The following LHX8 variants were observed in gnomAD, a reference collection of about 807,000 sequenced individuals.
LHX8 encodes the protein LIM homeobox 8.
LHX8 carries 12 observed loss-of-function variants against 40.3 expected under a neutral mutation model. The observed-to-expected ratio is 0.30, with a 90% CI of 0.19 to 0.48. LHX8 has a LOEUF of 0.48. Among genes scored for constraint, LHX8 ranks in the 20% least tolerant of loss-of-function variants. The probability of loss-of-function intolerance (pLI) is 0.99; values close to 1 mark genes in which losing one functional copy is unlikely to be tolerated. For synonymous variants in LHX8, 179 were observed against 162.0 expected (o/e 1.10, Z -0.80); for missense variants, 344 against 433.7 (o/e 0.79, Z 1.84).
intron 8 of LHX8, among the ~76,000 whole-genome samples, chr1:75,158,640 C>A (rs951059005): frequency 2.0e-5 from 3 of 152,124 alleles, no homozygotes; most frequent in Non-Finnish European, 4.4e-5. Flanking sequence ...TCTGTAGAGA[C>A]ATATTTGCCA....
At chr1:75,163,116 G>A (rs1648963638), downstream of LHX8, among the ~76,000 whole-genome samples, 3 of 151,618 alleles carry the variant, frequency 2.0e-5, no homozygotes. Flanking sequence ...TTTTTATTTG[G>A]ACAAGGTAGT....
At chr1:75,162,582 CA>C (rs10718039), downstream of LHX8, among the ~76,000 whole-genome samples, 142,996 of 152,132 alleles carry the variant, frequency 0.94, 67,216 homozygotes, top group East Asian at 0.98. Context: ...AGAGTTTTTA[CA>C]AAAATATATC....
At chr1:75,189,635 C>T in the LHX8 span, among the ~76,000 whole-genome samples, 1 of 152,080 alleles carries the variant, frequency 6.6e-6, no homozygotes, top group Non-Finnish European at 1.5e-5. Context: ...TCTAATAGCC[C>T]TTTGCTGAAA....
chr1:75,171,418 A>T, the LHX8 span, among the ~76,000 whole-genome samples: 816 of 109,306 alleles, frequency 7.5e-3, 9 homozygotes, highest in African/African-American at 0.02. Context: ...CCAAATTTTT[A>T]TTATTATTAT....
intron 8 of LHX8, 78 bp downstream of exon 8, chr1:75,157,154 A>G: frequency 6.7e-7 from 1 of 1,489,728 alleles, no homozygotes; most frequent in Non-Finnish European, 9.4e-7. Flanking sequence ...TATTGATACA[A>G]TTCACATTTT....
At chr1:75,165,327 G>A (rs1008471114), downstream of LHX8, among the ~76,000 whole-genome samples, 1 of 152,108 alleles carries the variant, frequency 6.6e-6, no homozygotes, top group East Asian at 1.9e-4. Context: ...GAATTCTCCA[G>A]GGCACCAGAT....
the LHX8 span, among the ~76,000 whole-genome samples, chr1:75,182,781 G>A: frequency 6.6e-6 from 1 of 152,314 alleles, no homozygotes; most frequent in Non-Finnish European, 1.5e-5. Flanking sequence ...TTTTTGCTTA[G>A]TCTTGCCTTG....
At chr1:75,151,658 A>G (rs955802088) in intron 7 of LHX8, among the ~76,000 whole-genome samples, 17 of 152,188 alleles carry the variant, frequency 1.1e-4, no homozygotes, top group Non-Finnish European at 1.9e-4. Context: ...TGCCTGGGAG[A>G]ACAGTTTTCT....
At chr1:75,186,464 G>A in the LHX8 span, among the ~76,000 whole-genome samples, 1 of 152,170 alleles carries the variant, frequency 6.6e-6, no homozygotes, top group Non-Finnish European at 1.5e-5. Flanking sequence ...TCAGTAAATG[G>A]TGCTTCTGAT....
At chr1:75,143,499 T>A (rs1277313220) in intron 5 of LHX8, among the ~76,000 whole-genome samples, 161 bp downstream of exon 5, 1 of 152,198 alleles carries the variant, frequency 6.6e-6, no homozygotes, top group Non-Finnish European at 1.5e-5. Context: ...TATTTGTTTA[T>A]TTACAAGGAA....
At chr1:75,192,048 G>C in the LHX8 span, among the ~76,000 whole-genome samples, 1 of 152,058 alleles carries the variant, frequency 6.6e-6, no homozygotes, top group Non-Finnish European at 1.5e-5. Context: ...TGTGACATTT[G>C]GTTATTTATT....
chr1:75,169,030 A>C, the LHX8 span, among the ~76,000 whole-genome samples: 229 of 150,368 alleles, frequency 1.5e-3, no homozygotes, highest in East Asian at 2.7e-3. Flanking sequence ...TTCTGTTGAA[A>C]CCCCCCCTGT....
chr1:75,142,683 G>A (rs1036447822), intron 4 of LHX8, among the ~76,000 whole-genome samples: 1 of 151,908 alleles, frequency 6.6e-6, no homozygotes, highest in African/African-American at 2.4e-5. Context: ...ATCTTAACTT[G>A]GTTTTAAGAA....
At chr1:75,165,895 A>G (rs1261728895), downstream of LHX8, among the ~76,000 whole-genome samples, 1 of 152,202 alleles carries the variant, frequency 6.6e-6, no homozygotes, top group Non-Finnish European at 1.5e-5. Flanking sequence ...AGACAGCTGG[A>G]TTTTGACACT....
chr1:75,131,812 G>A (rs1295211469), upstream of LHX8: 1 of 152,254 alleles, frequency 6.6e-6, no homozygotes, highest in Non-Finnish European at 1.5e-5. Flanking sequence ...AAGTCTCTCA[G>A]GCTGTCTTTC....
intron 1 of LHX8, among the ~76,000 whole-genome samples, chr1:75,128,981 G>A (rs1211538494): frequency 6.6e-6 from 1 of 152,122 alleles, no homozygotes; most frequent in Non-Finnish European, 1.5e-5. Flanking sequence ...CCTTCACTGG[G>A]GAAATTGGGC....
chr1:75,161,692 CATTT>C (rs1648924286), downstream of LHX8, among the ~76,000 whole-genome samples: 1 of 147,972 alleles, frequency 6.8e-6, no homozygotes, highest in South Asian at 2.1e-4. Context: ...CACAGTAAAA[CATTT>C]AATTTGGCAA....
At chr1:75,181,060 C>T in the LHX8 span, among the ~76,000 whole-genome samples, 4 of 152,162 alleles carry the variant, frequency 2.6e-5, no homozygotes, top group East Asian at 7.7e-4. Flanking sequence ...GCAAATATTG[C>T]TGCTGATCCT....
the LHX8 span, among the ~76,000 whole-genome samples, chr1:75,173,026 TTCTTTTGAAGAAAGGGC>T: frequency 6.6e-6 from 1 of 152,182 alleles, no homozygotes; most frequent in Non-Finnish European, 1.5e-5. Flanking sequence ...CTCAGTCTCT[TTCTTTTGAAGAAAGGGC>T]TCTGTCATTA....
Sources: gnomAD v4.1 joint callset for allele counts (sites outside exome capture counted in the v4.1 genomes callset) on GRCh38, gnomAD v4.1.1 for gene constraint, MANE v1.5 for transcripts, NCBI Gene and HGNC (gene_info 2026-07-23, HGNC 2026-07-21) for gene names.